Variants in ZC4H2 observed in about 807,000 individuals in gnomAD.
ZC4H2 encodes the protein zinc finger C4H2-type containing, also known as zinc finger C4H2 domain-containing protein.
For missense variants in ZC4H2, 137 were observed against 173.9 expected, an observed-to-expected ratio of 0.79 and a Z score of 1.19; for synonymous variants, 84 against 66.3, an observed-to-expected ratio of 1.27 and a Z score of -1.30.
chrX:65,020,198 T>A (rs1932826627), intron 1 of ZC4H2, among the ~76,000 whole-genome samples: 1 of 111,289 alleles, frequency 9.0e-6, no homozygotes, highest in African/African-American at 3.3e-5. Flanking sequence ...ATCACAAAGA[T>A]ACTCCTTGAG....
chrX:65,015,444 G>A (rs1372163704), intron 1 of ZC4H2, among the ~76,000 whole-genome samples: 1 of 111,938 alleles, frequency 8.9e-6, no homozygotes, highest in Non-Finnish European at 1.9e-5. Flanking sequence ...TGCAATGATG[G>A]GTATGATGGC....
At chrX:64,934,936 T>G (rs1332077373) in intron 1 of ZC4H2, among the ~76,000 whole-genome samples, 6 of 99,820 alleles carry the variant, frequency 6.0e-5, no homozygotes, top group South Asian at 4.3e-4. Flanking sequence ...AGCTGCAGGG[T>G]TTTTTTTTTT....
chrX:64,998,013 C>T (rs1219618234), intron 1 of ZC4H2, among the ~76,000 whole-genome samples: 3 of 111,280 alleles, frequency 2.7e-5, no homozygotes, highest in Non-Finnish European at 3.8e-5. Flanking sequence ...TACATGGTAA[C>T]CATAAAATAT....
intron 1 of ZC4H2, among the ~76,000 whole-genome samples, chrX:64,991,169 G>C (rs2147273365): frequency 8.9e-6 from 1 of 111,956 alleles, no homozygotes; most frequent in South Asian, 3.7e-4. Context: ...GGAAAATTCA[G>C]TGTAGCTGAA....
chrX:64,965,485 G>T (rs1055572362), intron 1 of ZC4H2: 6 of 317,938 alleles, frequency 1.9e-5, no homozygotes, highest in Non-Finnish European at 3.6e-5. Flanking sequence ...AGTGAAAATG[G>T]ATCATAGACC....
chrX:64,962,286 A>G (rs1931425319), intron 1 of ZC4H2, among the ~76,000 whole-genome samples: 1 of 111,905 alleles, frequency 8.9e-6, no homozygotes, highest in South Asian at 3.7e-4. Flanking sequence ...GCTATATCAC[A>G]TCAACAGAAT....
intron 1 of ZC4H2, among the ~76,000 whole-genome samples, chrX:64,942,724 C>A (rs1159477693): frequency 3.4e-4 from 38 of 111,787 alleles, no homozygotes; most frequent in Non-Finnish European, 1.1e-4. Context: ...ATTATCCAGT[C>A]TATCATTGAT....
chrX:64,929,955 T>C (rs1157556900), intron 1 of ZC4H2, among the ~76,000 whole-genome samples: 1 of 111,691 alleles, frequency 9.0e-6, no homozygotes, highest in Non-Finnish European at 1.9e-5. Flanking sequence ...TGGATTACTT[T>C]GGGCAGTATG....
chrX:64,949,740 T>A (rs1445389157), intron 1 of ZC4H2, among the ~76,000 whole-genome samples: 1 of 111,694 alleles, frequency 9.0e-6, no homozygotes, highest in African/African-American at 3.3e-5. Context: ...TACTCTCTTT[T>A]CTTCTTTATT....
At chrX:64,946,349 G>A (rs1221737109) in intron 1 of ZC4H2, among the ~76,000 whole-genome samples, 1 of 111,025 alleles carries the variant, frequency 9.0e-6, no homozygotes, top group African/African-American at 3.3e-5. Context: ...GGCTAGAACA[G>A]GGAGGTCCCT....
At chrX:65,008,065 G>C (rs1202606691) in intron 1 of ZC4H2, among the ~76,000 whole-genome samples, 3 of 111,523 alleles carry the variant, frequency 2.7e-5, no homozygotes, top group East Asian at 5.6e-4. Flanking sequence ...GTACCTATCT[G>C]ATAAGGGATT....
chrX:65,011,695 T>A (rs1327396869), intron 1 of ZC4H2, among the ~76,000 whole-genome samples: 1 of 109,786 alleles, frequency 9.1e-6, no homozygotes, highest in Non-Finnish European at 1.9e-5. Context: ...GGATAAAGTA[T>A]GCCATCTTTT....
At chrX:64,922,015 G>A (rs1929218803) in intron 1 of ZC4H2, 27 bp from the exon 2 acceptor site, 1 of 1,203,736 alleles carries the variant, frequency 8.3e-7, no homozygotes, top group Non-Finnish European at 1.1e-6. Flanking sequence ...GCAGGAAACA[G>A]GCCAGCAAAA....
rs111596558 is a variant in ZC4H2 at position 64,995,830 on chromosome X, G to A, written c.-272+38799C>T. Among the ~76,000 whole-genome samples, 403 of 112,180 alleles carry A rather than the reference G, an allele frequency of 3.6e-3. 2 individuals are homozygous for A. The highest frequency in any genetic ancestry group is 0.012 in the African/African-American group (377 of 30,874). ...TGCTCTTTTCTGCTTTACCTACCTT[G>A]GAATCCTCTCAGGGCAGAAAACTTG... On this transcript the variant is annotated intron_variant, in intron 1 of 4. Coordinates refer to the ZC4H2 transcript ENST00000337990.
intron 1 of ZC4H2, among the ~76,000 whole-genome samples, chrX:64,929,717 A>G (rs753433147): frequency 1.8e-5 from 2 of 111,221 alleles, no homozygotes; most frequent in Non-Finnish European, 3.8e-5. Flanking sequence ...ATTGTCTTTC[A>G]TTGGTCTTCA....
intron 1 of ZC4H2, among the ~76,000 whole-genome samples, chrX:65,009,121 A>G (rs910385333): frequency 8.9e-6 from 1 of 111,805 alleles, no homozygotes; most frequent in African/African-American, 3.3e-5. Context: ...AATTTACAAT[A>G]TTTTATTTTT....
chrX:64,999,800 C>T (rs1295986183), intron 1 of ZC4H2, among the ~76,000 whole-genome samples: 1 of 112,158 alleles, frequency 8.9e-6, no homozygotes, highest in African/African-American at 3.2e-5. Flanking sequence ...CACTTATCCC[C>T]TCACAGTGTA....
chrX:64,931,788 A>G (rs2147362273), intron 1 of ZC4H2, among the ~76,000 whole-genome samples: 1 of 111,198 alleles, frequency 9.0e-6, no homozygotes, highest in Non-Finnish European at 1.9e-5. Flanking sequence ...TCTATCTTGG[A>G]GAATGTTCCA....
intron 1 of ZC4H2, among the ~76,000 whole-genome samples, chrX:64,974,428 G>A (rs972944701): frequency 6.3e-5 from 7 of 111,849 alleles, no homozygotes; most frequent in African/African-American, 2.3e-4. Flanking sequence ...CTCAGTATTG[G>A]CATCTGTTTA....
Sources: allele counts gnomAD v4.1 joint callset (sites outside exome capture counted in the v4.1 genomes callset), GRCh38; gene constraint gnomAD v4.1.1; transcripts MANE v1.5; gene names NCBI Gene and HGNC (gene_info 2026-07-23, HGNC 2026-07-21).